SLC1A4: variants seen among roughly 807,000 people sequenced by gnomAD.
SLC1A4 encodes the protein solute carrier family 1 member 4.
A neutral mutation model predicts 37.7 loss-of-function variants in SLC1A4; 19 were observed. The ratio of observed to expected loss-of-function variants is 0.50; its 90% CI spans 0.35 to 0.74. SLC1A4 has a LOEUF of 0.74. Ranked by LOEUF, SLC1A4 falls within the 30% of genes least tolerant of loss-of-function variation. SLC1A4 has a pLI of 0.01. For synonymous variants in SLC1A4, 299 were observed against 309.8 expected, an observed-to-expected ratio of 0.97 and a Z score of 0.37; for missense variants, 570 against 712.9, an observed-to-expected ratio of 0.80 and a Z score of 2.28.
intron 7 of SLC1A4, among the ~76,000 whole-genome samples, chr2:65,020,673 G>T (rs1301150100): frequency 6.6e-6 from 1 of 152,190 alleles, no homozygotes. Context: ...CTCAGTTGGG[G>T]ACTAGGGGTG....
At chr2:65,014,854 G>A (rs139458704) in intron 4 of SLC1A4, among the ~76,000 whole-genome samples, 180 of 152,294 alleles carry the variant, frequency 1.2e-3, no homozygotes, top group African/African-American at 4.2e-3. Flanking sequence ...CCAACAGGAC[G>A]ATGACAAAAT....
At chr2:64,991,358 C>A (rs955267321) in intron 1 of SLC1A4, among the ~76,000 whole-genome samples, 1 of 149,894 alleles carries the variant, frequency 6.7e-6, no homozygotes, top group Non-Finnish European at 1.5e-5. Flanking sequence ...ATGAGGGAGA[C>A]CAAAAGTTCT....
intron 2 of SLC1A4, among the ~76,000 whole-genome samples, chr2:65,001,962 G>A (rs775678363): frequency 2.0e-5 from 3 of 152,046 alleles, no homozygotes; most frequent in Non-Finnish European, 4.4e-5. Flanking sequence ...TTTTTTCTAT[G>A]CGTGTATACA....
chr2:64,991,384 T>C (rs1214984014), intron 1 of SLC1A4, among the ~76,000 whole-genome samples: 1 of 149,604 alleles, frequency 6.7e-6, no homozygotes, highest in Admixed American at 6.7e-5. Context: ...AAAGGGCAGA[T>C]AGTGGTGGCC....
chr2:64,995,005 T>C (rs1246320872), intron 1 of SLC1A4: 1 of 152,186 alleles, frequency 6.6e-6, no homozygotes, highest in Non-Finnish European at 1.5e-5. Flanking sequence ...ACAGCACATC[T>C]AACAAGGATC....
intron 1 of SLC1A4, among the ~76,000 whole-genome samples, chr2:64,992,393 T>C (rs912385946): frequency 1.3e-5 from 2 of 152,126 alleles, no homozygotes; most frequent in African/African-American, 4.8e-5. Context: ...CGTCATAGCT[T>C]AGTAGTGTGG....
At chr2:65,000,298 T>C (rs570531517) in intron 1 of SLC1A4, 7 of 152,334 alleles carry the variant, frequency 4.6e-5, no homozygotes, top group African/African-American at 1.7e-4. Context: ...ATTGCCCTAC[T>C]TTTATAACAA....
chr2:65,010,881 T>C (rs1288584877), intron 4 of SLC1A4, 118 bp downstream of exon 4: 10 of 1,003,854 alleles, frequency 1.0e-5, no homozygotes, highest in Non-Finnish European at 1.5e-5. Flanking sequence ...GTGTATGTGG[T>C]TGATGCACCA....
chr2:65,018,039 C>A lies in SLC1A4; in HGVS notation c.1035-32C>A. ...ATGTTAGCCTGCCTCGGACTGTTGTCATGTCTGGCGGTTTGTTTTTCCCAT... is the reference window on the plus strand; with the variant it reads ...ATGTTAGCCTGCCTCGGACTGTTGTAATGTCTGGCGGTTTGTTTTTCCCAT... On this transcript the variant is annotated intron_variant, in intron 5 of 7. Coordinates refer to ENST00000234256, the MANE Select transcript of SLC1A4 (RefSeq NM_003038.5). This position sits in a 1 kb window ranked among gnomAD's most constrained non-coding sequence, Gnocchi z 4.3. 4 of 1,599,554 alleles carry A rather than the reference C, an allele frequency of 2.5e-6. No homozygotes were observed. The South Asian group carries it at 4.4e-5, about 18-fold the overall frequency.
chr2:65,015,082 G>C (rs1236380906), intron 4 of SLC1A4, among the ~76,000 whole-genome samples: 1 of 152,204 alleles, frequency 6.6e-6, no homozygotes, highest in Non-Finnish European at 1.5e-5. Flanking sequence ...AGACACAAAA[G>C]GACAAACACT....
Position 64,989,961 on chromosome 2 carries a change from T to C in SLC1A4, c.318T>C (p.Asp106=), listed in dbSNP as rs1199961512. ...TGGTGTCGGGCGCCGCCTCGCTCGA[T>C]GCCAGCTGCCTCGGGCGTCTGGGCG... The part of the protein sequence containing the change: ...CSLVSGAASL[D]ASCLGRLGGI... The change falls in exon 1 of 8, where the codon GAT becomes GAC. Residue 106 remains aspartate, a synonymous_variant. Transcript: ENST00000234256. 1 of 1,578,606 alleles carries C rather than the reference T, an allele frequency of 6.3e-7. No individual in the cohort carries two copies. Among genetic ancestry groups the C allele is most frequent in the East Asian group, 2.3e-5 (1 of 43,024 alleles).
chr2:65,017,758 GTTGT>G (rs1351064115), intron 5 of SLC1A4, among the ~76,000 whole-genome samples: 3 of 152,330 alleles, frequency 2.0e-5, no homozygotes, highest in African/African-American at 7.2e-5. Flanking sequence ...AGAGAAACTA[GTTGT>G]TTGTTCTCTC....
chr2:65,018,959 G>A lies in SLC1A4; in HGVS notation c.1364+280G>A, dbSNP rs543319071. On this transcript the variant is annotated intron_variant, in intron 7 of 7. Coordinates refer to ENST00000234256, the MANE Select transcript of SLC1A4 (RefSeq NM_003038.5). The surrounding 1 kb of genome is among the most constrained non-coding windows in gnomAD (Gnocchi z 4.3). ...GGGGTCCACAGCTGAGGCCCTCAGC[G>A]CAGGCCCAAGGGACACGAGGGTCTA... Among the ~76,000 whole-genome samples, 24 of 152,340 alleles carry A rather than the reference G, an allele frequency of 1.6e-4. No individual in the cohort carries two copies. The highest frequency in any genetic ancestry group is 4.1e-4 in the South Asian group (2 of 4,826).
chr2:65,002,567 A>ATTTTTTTTTTTTTTT (rs1324825931), intron 2 of SLC1A4, among the ~76,000 whole-genome samples: 6 of 115,516 alleles, frequency 5.2e-5, no homozygotes, highest in Non-Finnish European at 1.0e-4. Flanking sequence ...TCCTGTGACC[A>ATTTTTTTTTTTTTTT]TTCTTTTTTT....
chr2:65,020,368 G>A (rs1674365185), intron 7 of SLC1A4, among the ~76,000 whole-genome samples: 1 of 152,204 alleles, frequency 6.6e-6, no homozygotes, highest in Non-Finnish European at 1.5e-5. Context: ...CTGGACTCAA[G>A]CAATCCCCCC....
intron 7 of SLC1A4, among the ~76,000 whole-genome samples, chr2:65,019,930 G>T (rs531218506): frequency 3.3e-5 from 5 of 152,220 alleles, no homozygotes; most frequent in Non-Finnish European, 7.3e-5. Flanking sequence ...ACAGCAGGAC[G>T]GCACTCTGCA....
At chr2:65,020,390 C>T (rs2103683990) in intron 7 of SLC1A4, among the ~76,000 whole-genome samples, 1 of 152,262 alleles carries the variant, frequency 6.6e-6, no homozygotes, top group East Asian at 1.9e-4. Flanking sequence ...CCTCAGCCTC[C>T]TGAGTAGCTA....
Position 65,023,438 on chromosome 2 carries a change from T to TGGTATCTTG in SLC1A4, c.*2293_*2301dup, listed in dbSNP as rs1324473961. The TGGTATCTTG allele has an allele frequency of 6.6e-6, 1 of 152,226 alleles. No homozygotes were observed. The highest frequency in any genetic ancestry group is 1.5e-5 in the Non-Finnish European group (1 of 68,036). 9.4% of individuals were successfully genotyped at this position (152,226 alleles called of 1,614,324 possible). On this transcript the variant is annotated 3_prime_UTR_variant, in exon 8 of 8. Coordinates refer to ENST00000234256, the MANE Select transcript of SLC1A4 (RefSeq NM_003038.5). ...CTATTAACTACAAGTTGTATGTCTG[T>TGGTATCTTG]GGTATCTTGATTTTCCCATTTCTAA...
intron 3 of SLC1A4, among the ~76,000 whole-genome samples, chr2:65,007,746 A>T (rs988519746): frequency 6.6e-6 from 1 of 152,232 alleles, no homozygotes; most frequent in Non-Finnish European, 1.5e-5. Context: ...ACATGTGATA[A>T]TGTAATACAT....
Sources: gnomAD v4.1 joint callset for allele counts (sites outside exome capture counted in the v4.1 genomes callset) on GRCh38, gnomAD v4.1.1 for gene constraint, Gnocchi (gnomAD v3.1) non-coding constraint, MANE v1.5 for transcripts, NCBI Gene and HGNC (gene_info 2026-07-23, HGNC 2026-07-21) for gene names.